Variants in ZC3H4 observed in about 807,000 individuals in gnomAD.
The protein encoded by ZC3H4 is zinc finger CCCH-type containing 4.
In ZC3H4, 13 loss-of-function variants were observed where a neutral mutation model predicts 108.3. The ratio of observed to expected loss-of-function variants is 0.12; its 90% CI spans 0.08 to 0.19. ZC3H4 has a LOEUF of 0.19. Among genes scored for constraint, ZC3H4 ranks in the 10% least tolerant of loss-of-function variants. The pLI is 1.00. For missense variants in ZC3H4, 1,734 were observed against 1,838.8 expected, an observed-to-expected ratio of 0.94 and a Z score of 1.04; for synonymous variants, 917 against 749.6, an observed-to-expected ratio of 1.22 and a Z score of -3.65.
chr19:47,083,237 A>AGTGAGGCAGAG (rs2057555593), intron 9 of ZC3H4, among the ~76,000 whole-genome samples: 1 of 150,086 alleles, frequency 6.7e-6, no homozygotes, highest in Non-Finnish European at 1.5e-5. Context: ...GTGAGGCAGA[A>AGTGAGGCAGAG]CTTGCAGTGA....
chr19:47,068,425 G>A (rs891363163), intron 14 of ZC3H4, among the ~76,000 whole-genome samples: 2 of 152,222 alleles, frequency 1.3e-5, no homozygotes, highest in African/African-American at 4.8e-5. Context: ...TCCCAGGGAG[G>A]GGCTGGTGTG....
chr19:47,065,669 G>C lies in ZC3H4; in HGVS notation c.*687C>G, dbSNP rs1415387103. 1 of 152,954 alleles carries C rather than the reference G, an allele frequency of 6.5e-6. No homozygotes were observed. Among genetic ancestry groups the C allele is most frequent in the Non-Finnish European group, 1.5e-5 (1 of 68,306 alleles). The allele number at this position is 152,954 out of a possible 1,614,324, so 9.5% of individuals were successfully genotyped here. ...ACTGTGGAGGCTTCTGCTGCAGGCT[G>C]GGGGGCATCCGCTTGCTCTAGACGG... On this transcript the variant is annotated 3_prime_UTR_variant, in exon 15 of 15. Coordinates refer to ENST00000253048, the MANE Select transcript of ZC3H4 (RefSeq NM_015168.2).
chr19:47,099,835 A>G (rs566875490), intron 2 of ZC3H4, among the ~76,000 whole-genome samples: 1 of 150,650 alleles, frequency 6.6e-6, no homozygotes, highest in African/African-American at 2.5e-5. Context: ...AAAAAAAAAA[A>G]AAAAAAAAAG....
In ZC3H4 at chr19:47,094,009, A is replaced by G; in HGVS notation, c.453T>C (p.Gly151=). 6.2e-7 allele frequency: 1 copy of G among 1,614,138 alleles called. No homozygotes were observed. The highest frequency in any genetic ancestry group is 8.5e-7 in the Non-Finnish European group (1 of 1,180,018). The change falls in exon 4 of 15, where the codon GGT becomes GGC. Residue 151 remains glycine, a synonymous_variant. Coordinates refer to ENST00000253048, the MANE Select transcript of ZC3H4 (RefSeq NM_015168.2). The stretch of plus-strand genomic sequence containing the variant: ...GGCTGTACTCTCTGTACTTGCGGTG[A>G]CCTTTCTCACTGGGGCTGAAATCCG... The part of the protein sequence containing the change: ...DDSDFSPSEK[G]HRKYREYSPP...
intron 9 of ZC3H4, among the ~76,000 whole-genome samples, chr19:47,083,016 C>G (rs964637766): frequency 6.6e-6 from 1 of 152,160 alleles, no homozygotes; most frequent in Non-Finnish European, 1.5e-5. Context: ...ATCTGTCCCC[C>G]TTTTACGAAT....
intron 11 of ZC3H4, among the ~76,000 whole-genome samples, chr19:47,078,368 C>T (rs1169851894): frequency 2.6e-5 from 4 of 151,794 alleles, no homozygotes; most frequent in South Asian, 2.1e-4. Context: ...CCTGTAATCC[C>T]GGCACTTTGG....
intron 2 of ZC3H4, among the ~76,000 whole-genome samples, chr19:47,098,345 CT>C (rs2057855476): frequency 6.6e-6 from 1 of 151,758 alleles, no homozygotes; most frequent in Non-Finnish European, 1.5e-5. Context: ...CAAAAATTAG[CT>C]GGGCGCGATG....
At chr19:47,110,822 G>T in intron 2 of ZC3H4, 1 of 808,308 alleles carries the variant, frequency 1.2e-6, no homozygotes, top group Non-Finnish European at 1.5e-6. Flanking sequence ...GTCGGGCTGC[G>T]ATGGGCTGCG....
At chr19:47,083,658 G>A (rs141170358) in intron 9 of ZC3H4, among the ~76,000 whole-genome samples, 2 of 152,202 alleles carry the variant, frequency 1.3e-5, no homozygotes, top group Admixed American at 6.6e-5. Context: ...GCAGTGAGCC[G>A]AGATCACGCC....
At chr19:47,073,227 C>T (rs1247081434) in intron 11 of ZC3H4, among the ~76,000 whole-genome samples, 2 of 152,024 alleles carry the variant, frequency 1.3e-5, no homozygotes, top group African/African-American at 2.4e-5. Flanking sequence ...GAGCCAAGAT[C>T]GCACCACTGC....
Position 47,066,345 on chromosome 19 carries a change from C to G in ZC3H4, c.*11G>C. 1 of 1,513,344 alleles carries G rather than the reference C, an allele frequency of 6.6e-7. No individual in the cohort carries two copies. Among genetic ancestry groups the G allele is most frequent in the Non-Finnish European group, 8.8e-7 (1 of 1,131,118 alleles). 93.7% of individuals were successfully genotyped at this position (1,513,344 alleles called of 1,614,324 possible). A position where few individuals can be genotyped will look rare whatever the true frequency, so the allele number is the denominator to read the frequency against. On this transcript the variant is annotated 3_prime_UTR_variant, in exon 15 of 15. Transcript: ENST00000253048. ...AGGAAGGGTGGCTGGAGCCGCAGCT[C>G]TGGCTGGACACTACTGGCAAAAGGG...
chr19:47,083,938 G>A (rs1674905564), intron 9 of ZC3H4, among the ~76,000 whole-genome samples: 1 of 152,014 alleles, frequency 6.6e-6, no homozygotes, highest in Non-Finnish European at 1.5e-5. Flanking sequence ...ACTCTGCTAT[G>A]AAGTCCAAGG....
intron 11 of ZC3H4, among the ~76,000 whole-genome samples, chr19:47,080,254 A>G (rs1391442212): frequency 6.6e-6 from 1 of 152,158 alleles, no homozygotes; most frequent in Non-Finnish European, 1.5e-5. Flanking sequence ...TGGGTATTTA[A>G]CCCTAACCCA....
rs757389861 is a variant in ZC3H4, at chr19:47,107,699, CACCA to C, written c.161+4721_161+4724del. Among the ~76,000 whole-genome samples the C allele has an allele frequency of 1.5e-4, 22 of 151,634 alleles. No homozygotes were observed. The South Asian group carries it at 3.6e-3, about 24-fold the overall frequency. Reference sequence around the variant, plus strand: ...AGTAACAGGACACAACTAAATCTAGCACCAACCAAGAGGCCGTATCTTCATTTTT... The same window carrying C: ...AGTAACAGGACACAACTAAATCTAGCACCAAGAGGCCGTATCTTCATTTTT... On this transcript the variant is annotated intron_variant, in intron 2 of 14. Coordinates refer to ENST00000253048, the MANE Select transcript of ZC3H4 (RefSeq NM_015168.2).
At chr19:47,113,423 G>C (rs377352051) in intron 1 of ZC3H4, 1 of 152,624 alleles carries the variant, frequency 6.6e-6, no homozygotes, top group Admixed American at 6.5e-5. Flanking sequence ...TAAGCCGATC[G>C]GGACCGGGGA....
chr19:47,064,957 A>T lies in ZC3H4; in HGVS notation c.*1399T>A, dbSNP rs551753580. 1 of 152,386 alleles carries T rather than the reference A, an allele frequency of 6.6e-6. No homozygotes were observed. Among genetic ancestry groups the T allele is most frequent in the East Asian group, 1.9e-4 (1 of 5,178 alleles). 9.4% of individuals were successfully genotyped at this position (152,386 alleles called of 1,614,324 possible). On this transcript the variant is annotated 3_prime_UTR_variant, in exon 15 of 15. Coordinates refer to ENST00000253048, the MANE Select transcript of ZC3H4 (RefSeq NM_015168.2). ...TAGGTCTCTTCATGGTCAGCAATGA[A>T]GAGCTTGGCCTGCAGCCACATGGTG...
intron 9 of ZC3H4, among the ~76,000 whole-genome samples, chr19:47,083,295 C>A (rs140054748): frequency 1.5e-5 from 2 of 136,926 alleles, no homozygotes; most frequent in African/African-American, 5.5e-5. Context: ...GAGAGAGACT[C>A]GGTCTAAAAA....
intron 2 of ZC3H4, among the ~76,000 whole-genome samples, chr19:47,106,901 C>T (rs959752138): frequency 6.6e-6 from 1 of 152,158 alleles, no homozygotes. Flanking sequence ...GTTCATTCCC[C>T]TCTGGAGAGA....
At chr19:47,087,296 AC>A (rs369336547) in intron 5 of ZC3H4, among the ~76,000 whole-genome samples, 2,654 of 86,936 alleles carry the variant, frequency 0.031, 58 homozygotes, top group African/African-American at 0.071. Context: ...ACACACACAC[AC>A]AAAAAAAAAC....
Sources: gnomAD v4.1 joint callset for allele counts (sites outside exome capture counted in the v4.1 genomes callset) on GRCh38, gnomAD v4.1.1 for gene constraint, MANE v1.5 for transcripts, NCBI Gene and HGNC (gene_info 2026-07-23, HGNC 2026-07-21) for gene names.